Variants in RPP40 observed in about 807,000 individuals in gnomAD.
RPP40 encodes ribonuclease P/MRP subunit p40.
RPP40 carries 30 observed loss-of-function variants against 42.5 expected under a neutral mutation model. The ratio of observed to expected loss-of-function variants is 0.71; its 90% CI spans 0.53 to 0.96. RPP40 has a LOEUF of 0.96. RPP40 is among the 40% of genes least tolerant of loss of function. RPP40 has a pLI of 0.00. For missense variants in RPP40, 426 were observed against 433.5 expected (o/e 0.98, Z 0.15); for synonymous variants, 173 against 164.0 (o/e 1.05, Z -0.42).
chr6:4,994,722 A>T lies in RPP40; in HGVS notation c.*356T>A, dbSNP rs556620375. 2 of 207,268 alleles carry T rather than the reference A, an allele frequency of 9.6e-6. No homozygotes were observed. The highest frequency in any genetic ancestry group is 4.6e-5 in the African/African-American group (2 of 43,498). The allele number at this position is 207,268 out of a possible 1,614,324, so 12.8% of individuals were successfully genotyped here. A position where few individuals can be genotyped will look rare whatever the true frequency, so the allele number is the denominator to read the frequency against. On this transcript the variant is annotated 3_prime_UTR_variant, in exon 8 of 8. Transcript: ENST00000380051. ...ACAACAGGGACTGGCCCTGGTAAGG[A>T]TGAGATTTCTTTTTATTATCTGAAA...
Position 5,004,018 on chromosome 6 carries a change from T to G in RPP40, c.-16A>C, listed in dbSNP as rs371159071. 42 of 1,586,936 alleles carry G rather than the reference T, an allele frequency of 2.6e-5. No homozygotes were observed. In the South Asian group the frequency reaches 4.4e-4, roughly 17 times the overall value. On this transcript the variant is annotated 5_prime_UTR_variant, in exon 1 of 8. Transcript: ENST00000380051. ...GCGTGGCCATGCTCTCCTGGGTTCC[T>G]GGTCCTCCCGGCCTCCGCTGGCGGG...
chr6:4,994,913 G>A lies in RPP40; in HGVS notation c.*165C>T. 1 of 623,628 alleles carries A rather than the reference G, an allele frequency of 1.6e-6. No individual in the cohort carries two copies. Among genetic ancestry groups the A allele is most frequent in the South Asian group, 2.0e-5 (1 of 49,406 alleles). 38.6% of individuals were successfully genotyped at this position (623,628 alleles called of 1,614,324 possible). ...AGCTATTCACTGGACAGCAGGCCTT[G>A]CTGCCATCACAGATGGGTCTCAGGT... On this transcript the variant is annotated 3_prime_UTR_variant, in exon 8 of 8. Transcript: ENST00000380051.
downstream of RPP40, among the ~76,000 whole-genome samples, chr6:4,994,126 T>C (rs1469773754): frequency 1.3e-5 from 2 of 151,498 alleles, no homozygotes; most frequent in African/African-American, 4.9e-5. Context: ...GTTTTTTACA[T>C]TAAAAAAATG....
At chr6:5,002,390 T>C in intron 1 of RPP40, 145 bp from the exon 2 acceptor site, 1 of 659,278 alleles carries the variant, frequency 1.5e-6, no homozygotes, top group Non-Finnish European at 2.5e-6. Flanking sequence ...AACTCTTATG[T>C]TAACTTACCT....
intron 4 of RPP40, 126 bp downstream of exon 4, chr6:4,999,683 G>T: frequency 1.6e-6 from 1 of 616,708 alleles, no homozygotes; most frequent in Non-Finnish European, 2.9e-6. Flanking sequence ...GCTCGAGTCA[G>T]AAGTTTGACA....
At chr6:5,002,300 G>A (rs1227494648) in intron 1 of RPP40, 55 bp from the exon 2 acceptor site, 1 of 1,398,174 alleles carries the variant, frequency 7.2e-7, no homozygotes, top group Non-Finnish European at 9.6e-7. Context: ...TGAACACCCA[G>A]GTTTTTAGGA....
rs1297169695 is a variant in RPP40 at position 4,995,552 on chromosome 6, A to G, written c.894-276T>C. Among the ~76,000 whole-genome samples, 2 of 152,024 alleles carry G rather than the reference A, an allele frequency of 1.3e-5. 1 individual carries two copies. Among genetic ancestry groups the G allele is most frequent in the East Asian group, 3.9e-4 (2 of 5,174 alleles). On this transcript the variant is annotated intron_variant, in intron 7 of 7. Transcript: ENST00000380051. Reference sequence around the variant, plus strand: ...AGACAAAAAGAACCCAAAACAAAAAACCCCACAGGCGTTTAAGGATCCTTT... The same window carrying G: ...AGACAAAAAGAACCCAAAACAAAAAGCCCCACAGGCGTTTAAGGATCCTTT...
rs1179361742 is a variant in RPP40, at chr6:5,003,873, G to T, written c.123+7C>A. ...CGGCCCGAAAAGCCGAGGACAGCCG[G>T]ACTCACCCTGTAGTTATAGTAGTGC... On this transcript the variant is annotated splice_region_variant and intron_variant, in intron 1 of 7. Transcript: ENST00000380051. 3.7e-6 allele frequency: 6 copies of T among 1,608,310 alleles called. No individual in the cohort carries two copies. The highest frequency in any genetic ancestry group is 1.3e-5 in the African/African-American group (1 of 74,798).
rs189750375 is a variant in RPP40 at position 5,000,297 on chromosome 6, T to A, written c.337+266A>T. Among the ~76,000 whole-genome samples the A allele has an allele frequency of 1.3e-4, 20 of 152,248 alleles. 1 individual carries two copies. In the East Asian group the frequency reaches 3.9e-3, roughly 29 times the overall value. ...CCGCCTCCCAGGTTCAAAGCGATTC[T>A]CCTGCCTCAGCCTCCCAAGGAGCTG... On this transcript the variant is annotated intron_variant, in intron 3 of 7. Transcript: ENST00000380051.
In RPP40 at chr6:4,995,000, G is replaced by T; in HGVS notation, c.*78C>A. The T allele has an allele frequency of 2.4e-6, 3 of 1,240,758 alleles. No homozygotes were observed. The highest frequency in any genetic ancestry group is 1.9e-5 in the Admixed American group (1 of 51,646). 76.9% of individuals were successfully genotyped at this position (1,240,758 alleles called of 1,614,324 possible). Reference sequence around the variant, plus strand: ...TGTCACCATCACACAAGCCTGAGTGGACACACAGACCTTTTACCATTAAGA... The same window carrying T: ...TGTCACCATCACACAAGCCTGAGTGTACACACAGACCTTTTACCATTAAGA... On this transcript the variant is annotated 3_prime_UTR_variant, in exon 8 of 8. Transcript: ENST00000380051.
At chr6:4,995,896 G>A (rs977698462) in intron 7 of RPP40, 55 bp downstream of exon 7, 1 of 1,534,474 alleles carries the variant, frequency 6.5e-7, no homozygotes, top group Non-Finnish European at 8.8e-7. Context: ...TATACTATTC[G>A]ACATACTGTT....
chr6:4,993,251 A>G (rs1759285194), downstream of RPP40, among the ~76,000 whole-genome samples: 1 of 152,188 alleles, frequency 6.6e-6, no homozygotes, highest in Non-Finnish European at 1.5e-5. Flanking sequence ...ATTTGAAAAG[A>G]TCTTAATTTC....
the RPP40 span, among the ~76,000 whole-genome samples, chr6:4,988,894 G>C: frequency 6.6e-6 from 1 of 151,932 alleles, no homozygotes; most frequent in Non-Finnish European, 1.5e-5. Context: ...TAAACTGGGA[G>C]GTATTTTTCT....
chr6:4,991,442 G>GA (rs755875106), downstream of RPP40, among the ~76,000 whole-genome samples: 4 of 152,240 alleles, frequency 2.6e-5, no homozygotes, highest in East Asian at 5.8e-4. Flanking sequence ...TATTTCTCAA[G>GA]AAACAAAATT....
At chr6:4,999,286 T>A (rs1213416154) in intron 4 of RPP40, among the ~76,000 whole-genome samples, 1 of 146,806 alleles carries the variant, frequency 6.8e-6, no homozygotes, top group African/African-American at 2.5e-5. Context: ...GGTTCAGTAC[T>A]TGGAATTTTT....
the RPP40 span, among the ~76,000 whole-genome samples, chr6:4,989,321 C>T: frequency 6.6e-6 from 1 of 152,118 alleles, no homozygotes; most frequent in East Asian, 1.9e-4. Context: ...ATTACTGTTG[C>T]TTTAGAATAA....
In RPP40 at chr6:5,004,037, T is replaced by A. The variant is rs762665313; in HGVS notation, c.-35A>T. On this transcript the variant is annotated 5_prime_UTR_variant, in exon 1 of 8. Transcript: ENST00000380051. ...GGTTCCTGGTCCTCCCGGCCTCCGC[T>A]GGCGGGGCACGCCCCGCCCCTTCCT... 1 of 1,559,598 alleles carries A rather than the reference T, an allele frequency of 6.4e-7. No homozygotes were observed. The highest frequency in any genetic ancestry group is 8.7e-7 in the Non-Finnish European group (1 of 1,153,422).
In RPP40 at chr6:5,003,345, T is replaced by TCAAAAAAAAAA. The variant is rs34031203; in HGVS notation, c.123+534_123+535insTTTTTTTTTTG. ...CTGGGCGACAGAGCGAAACTCCGTC[T>TCAAAAAAAAAA]AAAAAAAAAAAAAAAAAAAAAAGGA... is the stretch of plus-strand genomic sequence containing the variant. On this transcript the variant is annotated intron_variant, in intron 1 of 7. Transcript: ENST00000380051. 1.0e-4 allele frequency among the ~76,000 whole-genome samples: 8 copies of TCAAAAAAAAAA among 76,586 alleles called. 3 individuals carry two copies. The highest frequency in any genetic ancestry group is 7.8e-4 in the East Asian group (2 of 2,566). 50.2% of individuals were successfully genotyped at this position (76,586 alleles called of 152,430 possible).
Position 4,996,434 on chromosome 6 carries a change from C to A in RPP40, c.560-14G>T. On this transcript the variant is annotated splice_polypyrimidine_tract_variant and intron_variant, in intron 5 of 7. Transcript: ENST00000380051. Reference sequence around the variant, plus strand: ...ATTCTTCTGAACCTTAAAAACACACCACACAAGGCCATTTGAATCCATCTG... The same window carrying A: ...ATTCTTCTGAACCTTAAAAACACACAACACAAGGCCATTTGAATCCATCTG... 6.2e-7 allele frequency: 1 copy of A among 1,611,008 alleles called. No individual in the cohort carries two copies. Among genetic ancestry groups the A allele is most frequent in the South Asian group, 1.1e-5 (1 of 90,886 alleles).
Sources: gnomAD v4.1 joint callset for allele counts (sites outside exome capture counted in the v4.1 genomes callset) on GRCh38, gnomAD v4.1.1 for gene constraint, MANE v1.5 for transcripts, NCBI Gene and HGNC (gene_info 2026-07-23, HGNC 2026-07-21) for gene names.